Variants in MAP3K4 observed in about 807,000 individuals in gnomAD.
MAP3K4 encodes the protein mitogen-activated protein kinase kinase kinase 4.
MAP3K4 carries 67 observed loss-of-function variants against 185.6 expected under a neutral mutation model. The ratio of observed to expected loss-of-function variants is 0.36; its 90% CI spans 0.30 to 0.44. The LOEUF (loss-of-function observed/expected upper bound fraction) is 0.44. MAP3K4 is among the 20% of genes least tolerant of loss of function. The pLI is 1.00. For missense variants in MAP3K4, 1,551 were observed against 1,995.1 expected (o/e 0.78, Z 4.24); for synonymous variants, 702 against 710.4 (o/e 0.99, Z 0.19).
Position 161,088,932 on chromosome 6 carries a change from A to G in MAP3K4, c.2824-390A>G, listed in dbSNP as rs1216770143. On this transcript the variant is annotated intron_variant, in intron 10 of 26. Transcript: ENST00000392142. This position sits in a 1 kb window ranked among gnomAD's most constrained non-coding sequence, Gnocchi z 4.5. ...AAGTCTTGATTTCTTAATGTTTTAT[A>G]TAAGGCCCCTCATCTTATTTCTGTC... Among the ~76,000 whole-genome samples the G allele has an allele frequency of 6.6e-6, 1 of 152,192 alleles. No individual in the cohort carries two copies. Among genetic ancestry groups the G allele is most frequent in the African/African-American group, 2.4e-5 (1 of 41,438 alleles).
chr6:161,115,278 G>C lies in MAP3K4; in HGVS notation c.4782G>C (p.Gln1594His). Reference sequence around the variant, plus strand: ...CAAAGATGAGATGGACCGCCAGCCAGCTCCTCGACCATTCGTTTGTCAAGG... The same window carrying C: ...CAAAGATGAGATGGACCGCCAGCCACCTCCTCGACCATTCGTTTGTCAAGG... ...SDPKMRWTAS[Q>H]LLDHSFVKVC... The change falls in exon 26 of 27, where the codon CAG (glutamine) becomes CAC (histidine). Residue 1594 changes from glutamine (Q) to histidine (H), a missense_variant. Gln to His is a conservative substitution (Grantham distance 24). Transcript: ENST00000392142. The surrounding 1 kb of genome is among the most constrained non-coding windows in gnomAD (Gnocchi z 6.0). 1 of 1,613,418 alleles carries C rather than the reference G, an allele frequency of 6.2e-7. No homozygotes were observed. Among genetic ancestry groups the C allele is most frequent in the Non-Finnish European group, 8.5e-7 (1 of 1,179,534 alleles).
chr6:161,050,836 G>A lies in MAP3K4; in HGVS notation c.1707+857G>A, dbSNP rs59754121. ...CAAATCTTTGAAATACCTTATACCCGTGTTAAGTCTGTGATTCTGAATTTT... is the reference window on the plus strand; with the variant it reads ...CAAATCTTTGAAATACCTTATACCCATGTTAAGTCTGTGATTCTGAATTTT... On this transcript the variant is annotated intron_variant, in intron 3 of 26. Coordinates refer to ENST00000392142, the MANE Select transcript of MAP3K4 (RefSeq NM_005922.4). Among the ~76,000 whole-genome samples, 1,417 of 152,226 alleles carry A rather than the reference G, an allele frequency of 9.3e-3. 25 individuals are homozygous for A. The highest frequency in any genetic ancestry group is 0.032 in the African/African-American group (1,348 of 41,514).
chr6:161,087,913 G>A lies in MAP3K4; in HGVS notation c.2782G>A (p.Val928Met), dbSNP rs368351889. The change falls in exon 10 of 27, where the codon GTG becomes ATG. Residue 928 changes from valine (V) to methionine (M), a missense_variant. By Grantham distance (21) the Val-to-Met change is conservative. Around this residue, in one of 16 missense-constraint regions of MAP3K4, gnomAD observed 261 missense variants for 306.5 expected, o/e 0.85. Transcript: ENST00000392142. The surrounding 1 kb of genome is among the most constrained non-coding windows in gnomAD (Gnocchi z 4.9). ...GTWEAQPVKVVPQVETVDTLR... is the reference protein window; with the variant it reads ...GTWEAQPVKVMPQVETVDTLR... ...CTGGGAGGCACAGCCTGTCAAAGTC[G>A]TGCCTCAGGTGGAGACTGTTGACAC... 1.2e-5 allele frequency: 20 copies of A among 1,614,000 alleles called. No individual in the cohort carries two copies. Among genetic ancestry groups the A allele is most frequent in the Admixed American group, 3.3e-5 (2 of 59,996 alleles).
Position 161,117,226 on chromosome 6 carries a change from C to G in MAP3K4, c.*356C>G. ...TTGTAGTGTTATCAGGCGTCCCATA[C>G]CTTGTTTTTAATCTCCTGTTTGTTG... On this transcript the variant is annotated 3_prime_UTR_variant, in exon 27 of 27. Coordinates refer to ENST00000392142, the MANE Select transcript of MAP3K4 (RefSeq NM_005922.4). The G allele has an allele frequency of 4.6e-6, 1 of 218,174 alleles. No individual in the cohort carries two copies. The highest frequency in any genetic ancestry group is 9.0e-6 in the Non-Finnish European group (1 of 111,572). The allele number at this position is 218,174 out of a possible 1,614,324, so 13.5% of individuals were successfully genotyped here.
At position 161,017,954 on chromosome 6, in the gene MAP3K4, CTCT is replaced by C. The variant is rs1444128658; in HGVS notation, c.153-16300_153-16298del. Among the ~76,000 whole-genome samples the C allele has an allele frequency of 4.6e-5, 7 of 152,104 alleles. No homozygotes were observed. Among genetic ancestry groups the C allele is most frequent in the African/African-American group, 1.7e-4 (7 of 41,420 alleles). The stretch of plus-strand genomic sequence containing the variant: ...GCTGGGTTTTAGTGATTACAATAAA[CTCT>C]TCTTACGCTATTTGGAATAGACTTG... On this transcript the variant is annotated intron_variant, in intron 1 of 26. Transcript: ENST00000392142. The surrounding 1 kb of genome is among the most constrained non-coding windows in gnomAD (Gnocchi z 5.1).
chr6:161,097,111 G>A lies in MAP3K4; in HGVS notation c.3459G>A (p.Lys1153=). 3.1e-6 allele frequency: 5 copies of A among 1,614,078 alleles called. No individual in the cohort carries two copies. The South Asian group carries it at 5.5e-5, about 18-fold the overall frequency. Residue 1153 remains lysine, a synonymous_variant, in exon 16 of 27, where the codon AAG becomes AAA. Transcript: ENST00000392142. The surrounding 1 kb of genome is among the most constrained non-coding windows in gnomAD (Gnocchi z 4.9). ...AIHRNSPRPM[K]VPRCHSDPPN... ...ATCGGAACAGCCCCCGTCCTATGAAGGTACCTCGATGCCATAGTGACCCTC... is the reference window on the plus strand; with the variant it reads ...ATCGGAACAGCCCCCGTCCTATGAAAGTACCTCGATGCCATAGTGACCCTC...
In MAP3K4 at chr6:161,043,753, A is replaced by G. The variant is rs1299481223; in HGVS notation, c.344-4863A>G. ...CACTGAAATTTGAGAAGCTTGAGCTAGATGATCTCTAAGTCCCTTCAGGTT... is the reference window on the plus strand; with the variant it reads ...CACTGAAATTTGAGAAGCTTGAGCTGGATGATCTCTAAGTCCCTTCAGGTT... On this transcript the variant is annotated intron_variant, in intron 2 of 26. Transcript: ENST00000392142. This position sits in a 1 kb window ranked among gnomAD's most constrained non-coding sequence, Gnocchi z 4.3. Among the ~76,000 whole-genome samples, 3 of 152,220 alleles carry G rather than the reference A, an allele frequency of 2.0e-5. No homozygotes were observed. The highest frequency in any genetic ancestry group is 1.5e-5 in the Non-Finnish European group (1 of 68,036).
At chr6:160,999,067 A>C (rs191827920) in intron 1 of MAP3K4, among the ~76,000 whole-genome samples, 14 of 152,374 alleles carry the variant, frequency 9.2e-5, no homozygotes, top group Admixed American at 2.0e-4. Context: ...GCAGTCTATC[A>C]AAAGCATTTC....
In MAP3K4 at chr6:161,086,309, T is replaced by C; in HGVS notation, c.2373-70T>C. On this transcript the variant is annotated intron_variant, in intron 7 of 26. Transcript: ENST00000392142. The surrounding 1 kb of genome is among the most constrained non-coding windows in gnomAD (Gnocchi z 4.8). ...GATTTGGAATTTGCTTCATCTTTAT[T>C]GTTAAATCCCTCTTGCACCTCTGGA... 1 of 856,232 alleles carries C rather than the reference T, an allele frequency of 1.2e-6. No homozygotes were observed. Among genetic ancestry groups the C allele is most frequent in the Non-Finnish European group, 1.9e-6 (1 of 539,910 alleles). 53.0% of individuals were successfully genotyped at this position (856,232 alleles called of 1,614,324 possible). A position where few individuals can be genotyped will look rare whatever the true frequency, so the allele number is the denominator to read the frequency against.
At position 161,110,097 on chromosome 6, in the gene MAP3K4, C is replaced by T. The variant is rs911256570; in HGVS notation, c.4396+183C>T. Among the ~76,000 whole-genome samples the T allele has an allele frequency of 6.6e-6, 1 of 152,226 alleles. No homozygotes were observed. Among genetic ancestry groups the T allele is most frequent in the Non-Finnish European group, 1.5e-5 (1 of 68,038 alleles). ...ACAAGGTAGAACTCATGTCTCTCTA[C>T]CCAGGAGTCCGCTCTTTCTGTTCAA... is the stretch of plus-strand genomic sequence containing the variant. On this transcript the variant is annotated intron_variant, in intron 23 of 26. Transcript: ENST00000392142. This position sits in a 1 kb window ranked among gnomAD's most constrained non-coding sequence, Gnocchi z 4.8.
intron 1 of MAP3K4, among the ~76,000 whole-genome samples, chr6:161,024,757 C>T (rs567982886): frequency 1.3e-5 from 2 of 152,268 alleles, no homozygotes; most frequent in East Asian, 1.9e-4. Flanking sequence ...TAAGCTTGAT[C>T]GCCTGTTTGT....
intron 1 of MAP3K4, among the ~76,000 whole-genome samples, chr6:161,001,831 C>G (rs914628606): frequency 2.6e-5 from 4 of 152,086 alleles, no homozygotes; most frequent in Non-Finnish European, 5.9e-5. Context: ...TTAAGTAATT[C>G]CTGTTCTATA....
At chr6:161,021,054 T>C (rs1467714034) in intron 1 of MAP3K4, among the ~76,000 whole-genome samples, 1 of 152,228 alleles carries the variant, frequency 6.6e-6, no homozygotes, top group Non-Finnish European at 1.5e-5. Flanking sequence ...TTTTTCTCAG[T>C]TTACATAGCT....
rs187967505 is a variant in MAP3K4 at position 161,045,820 on chromosome 6, A to G, written c.344-2796A>G. Among the ~76,000 whole-genome samples, 691 of 152,318 alleles carry G rather than the reference A, an allele frequency of 4.5e-3. 6 individuals are homozygous for G. The highest frequency in any genetic ancestry group is 0.016 in the African/African-American group (655 of 41,578). On this transcript the variant is annotated intron_variant, in intron 2 of 26. Coordinates refer to ENST00000392142, the MANE Select transcript of MAP3K4 (RefSeq NM_005922.4). ...TTTAAAAAGCCCAACGCCTGAGCCA[A>G]CAAGATTGTTTTTTATTTCACAATT... is the stretch of plus-strand genomic sequence containing the variant.
intron 3 of MAP3K4, among the ~76,000 whole-genome samples, chr6:161,052,199 C>A (rs561290770): frequency 1.4e-5 from 2 of 144,676 alleles, no homozygotes; most frequent in Non-Finnish European, 3.0e-5. Context: ...CCTCTCCAGG[C>A]TCTTCGTGGT....
chr6:161,070,901 C>T lies in MAP3K4; in HGVS notation c.1950+51C>T, dbSNP rs1469970406. The T allele has an allele frequency of 9.7e-6, 14 of 1,446,580 alleles. No homozygotes were observed. Among genetic ancestry groups the T allele is most frequent in the Non-Finnish European group, 1.3e-5 (14 of 1,089,236 alleles). 89.6% of individuals were successfully genotyped at this position (1,446,580 alleles called of 1,614,324 possible). Reference sequence around the variant, plus strand: ...ATTTAGCAATTATTATATTATCCTACAGGCTTATCATTTTTATTTTGAGAG... The same window carrying T: ...ATTTAGCAATTATTATATTATCCTATAGGCTTATCATTTTTATTTTGAGAG... On this transcript the variant is annotated intron_variant, in intron 4 of 26. Coordinates refer to ENST00000392142, the MANE Select transcript of MAP3K4 (RefSeq NM_005922.4). This position sits in a 1 kb window ranked among gnomAD's most constrained non-coding sequence, Gnocchi z 4.5.
chr6:160,992,386 G>A, intron 1 of MAP3K4: 1 of 445,338 alleles, frequency 2.2e-6, no homozygotes, highest in Non-Finnish European at 3.9e-6. Context: ...AGCAGAGTGC[G>A]GCTGCCTCCC....
chr6:161,026,039 A>G (rs1782635232), intron 1 of MAP3K4, among the ~76,000 whole-genome samples: 1 of 152,142 alleles, frequency 6.6e-6, no homozygotes, highest in Admixed American at 6.5e-5. Flanking sequence ...TGACACTGAC[A>G]TGTAATAATT....
intron 3 of MAP3K4, among the ~76,000 whole-genome samples, chr6:161,052,402 C>A (rs1181239511): frequency 6.6e-6 from 1 of 152,154 alleles, no homozygotes; most frequent in Non-Finnish European, 1.5e-5. Context: ...CTGAAGAGGT[C>A]ATCTTTGTTA....
Sources: gnomAD v4.1 joint callset for allele counts (sites outside exome capture counted in the v4.1 genomes callset) on GRCh38, gnomAD v4.1.1 for gene constraint, gnomAD v4.1.1 regional missense constraint, Gnocchi (gnomAD v3.1) non-coding constraint, MANE v1.5 for transcripts, NCBI Gene and HGNC (gene_info 2026-07-23, HGNC 2026-07-21) for gene names.